The following SMURF1 variants were observed in gnomAD, a reference collection of about 807,000 sequenced individuals.
SMURF1 encodes SMAD specific E3 ubiquitin protein ligase 1.
A neutral mutation model predicts 98.0 loss-of-function variants in SMURF1; 44 were observed. The ratio of observed to expected loss-of-function variants is 0.45; its 90% confidence interval spans 0.35 to 0.58. The LOEUF is 0.58. SMURF1 is among the 20% of genes least tolerant of loss of function. SMURF1 has a pLI of 0.00. For synonymous variants in SMURF1, 396 were observed against 374.9 expected, an observed-to-expected ratio of 1.06 and a Z score of -0.65; for missense variants, 687 against 938.4, an observed-to-expected ratio of 0.73 and a Z score of 3.50.
chr7:99,143,162 C>A (rs1202263043), intron 1 of SMURF1, among the ~76,000 whole-genome samples: 2 of 41,030 alleles, frequency 4.9e-5, no homozygotes, highest in Non-Finnish European at 8.9e-5. Flanking sequence ...CAGAGAGGAG[C>A]GAGGGGGTGG....
In SMURF1 at chr7:99,073,148, C is replaced by T. The variant is rs575218445; in HGVS notation, c.56-11311G>A. On this transcript the variant is annotated intron_variant, in intron 1 of 17. Transcript: ENST00000361368. Reference sequence around the variant, plus strand: ...ATCCCAGCAGTCTGGGAGGCCGAGGCGGGTGGATCACAAGGTCAGGAGCTC... The same window carrying T: ...ATCCCAGCAGTCTGGGAGGCCGAGGTGGGTGGATCACAAGGTCAGGAGCTC... 8.5e-5 allele frequency among the ~76,000 whole-genome samples: 13 copies of T among 152,060 alleles called. No homozygotes were observed. In the East Asian group the frequency reaches 1.4e-3, roughly 16 times the overall value.
At chr7:99,086,522 C>T (rs1352557786) in intron 1 of SMURF1, among the ~76,000 whole-genome samples, 2 of 151,974 alleles carry the variant, frequency 1.3e-5, no homozygotes, top group African/African-American at 2.4e-5. Flanking sequence ...AAATGTTGAA[C>T]GTGGAGTTAC....
chr7:99,091,232 C>T (rs1796803670), intron 1 of SMURF1, among the ~76,000 whole-genome samples: 1 of 152,188 alleles, frequency 6.6e-6, no homozygotes, highest in African/African-American at 2.4e-5. Context: ...ACTACCCTTA[C>T]TTTTGACTAC....
At chr7:99,142,470 G>A (rs528468668) in intron 1 of SMURF1, among the ~76,000 whole-genome samples, 19 of 151,434 alleles carry the variant, frequency 1.3e-4, no homozygotes, top group South Asian at 6.3e-4. Context: ...GAAGTGAAGA[G>A]AGCAGGACTG....
At chr7:99,104,843 G>A (rs918731947) in intron 1 of SMURF1, among the ~76,000 whole-genome samples, 7 of 152,178 alleles carry the variant, frequency 4.6e-5, no homozygotes, top group Non-Finnish European at 1.0e-4. Flanking sequence ...GGGGCTTCAC[G>A]CAGACCAGGC....
chr7:99,134,353 C>T (rs921827526), intron 1 of SMURF1, among the ~76,000 whole-genome samples: 8 of 152,222 alleles, frequency 5.3e-5, no homozygotes, highest in Admixed American at 4.6e-4. Flanking sequence ...AGTGAGGAAC[C>T]ACGCGAGAAC....
At chr7:99,106,788 CT>C (rs897079161) in intron 1 of SMURF1, among the ~76,000 whole-genome samples, 1 of 152,148 alleles carries the variant, frequency 6.6e-6, no homozygotes, top group Non-Finnish European at 1.5e-5. Context: ...TCTCCGACCT[CT>C]TTTTTTCCCC....
chr7:99,138,012 A>G (rs1412068537), intron 1 of SMURF1, among the ~76,000 whole-genome samples: 1 of 152,218 alleles, frequency 6.6e-6, no homozygotes, highest in Non-Finnish European at 1.5e-5. Flanking sequence ...AGTCAGAATG[A>G]GTTCCCTGGA....
rs894217729 is a variant in SMURF1 at position 99,087,206 on chromosome 7, CA to C, written c.56-25370del. On this transcript the variant is annotated intron_variant, in intron 1 of 17. Coordinates refer to ENST00000361368, the MANE Select transcript of SMURF1 (RefSeq NM_181349.3). Reference sequence around the variant, plus strand: ...GCAACATAGCAAGACCCCATCTCTACAAAAAAAAAAAATTTTAATTTTAAAA... The same window carrying C: ...GCAACATAGCAAGACCCCATCTCTACAAAAAAAAAAATTTTAATTTTAAAA... Among the ~76,000 whole-genome samples, 1,314 of 148,116 alleles carry C rather than the reference CA, an allele frequency of 8.9e-3. 16 individuals are homozygous for C. Among genetic ancestry groups the C allele is most frequent in the African/African-American group, 0.029 (1,146 of 40,184 alleles).
chr7:99,062,097 C>CTTT (rs1013163853), intron 1 of SMURF1, among the ~76,000 whole-genome samples: 2 of 145,224 alleles, frequency 1.4e-5, no homozygotes, highest in Non-Finnish European at 3.0e-5. Flanking sequence ...GATCAATATA[C>CTTT]TTTTTTTTTT....
At chr7:99,055,468 CA>C (rs1212136483) in intron 5 of SMURF1, among the ~76,000 whole-genome samples, 1 of 148,992 alleles carries the variant, frequency 6.7e-6, no homozygotes, top group African/African-American at 2.5e-5. Context: ...ACTCTGTCTC[CA>C]AAAAAAATTA....
At chr7:99,096,801 C>T (rs1486130654) in intron 1 of SMURF1, among the ~76,000 whole-genome samples, 3 of 152,142 alleles carry the variant, frequency 2.0e-5, no homozygotes, top group East Asian at 1.9e-4. Flanking sequence ...CATTAACTAA[C>T]GGGATCAAAC....
chr7:99,123,331 G>A (rs560905188), intron 1 of SMURF1, among the ~76,000 whole-genome samples: 114 of 152,168 alleles, frequency 7.5e-4, no homozygotes, highest in African/African-American at 2.6e-3. Context: ...CCAGGAGTTC[G>A]AGACCAGCCT....
intron 1 of SMURF1, among the ~76,000 whole-genome samples, chr7:99,078,596 C>T (rs891517841): frequency 2.0e-5 from 3 of 152,174 alleles, no homozygotes; most frequent in Non-Finnish European, 4.4e-5. Context: ...TGTTTACAGC[C>T]GCTCCTGATC....
chr7:99,141,451 T>C (rs746587485), intron 1 of SMURF1, among the ~76,000 whole-genome samples: 7 of 152,212 alleles, frequency 4.6e-5, no homozygotes, highest in Non-Finnish European at 8.8e-5. Flanking sequence ...AGTTAAAAGC[T>C]TTACAAGTAT....
intron 1 of SMURF1, among the ~76,000 whole-genome samples, chr7:99,091,897 T>C (rs1380794551): frequency 2.0e-5 from 3 of 152,180 alleles, no homozygotes; most frequent in Non-Finnish European, 4.4e-5. Context: ...CTTCATCATC[T>C]GGGACCTGAA....
chr7:99,120,345 A>G (rs576025752), intron 1 of SMURF1, among the ~76,000 whole-genome samples: 55 of 152,322 alleles, frequency 3.6e-4, no homozygotes, highest in African/African-American at 1.3e-3. Flanking sequence ...CAAAGTCTCC[A>G]GGTACACTTA....
intron 1 of SMURF1, among the ~76,000 whole-genome samples, chr7:99,077,004 A>C (rs12705020): frequency 6.6e-6 from 1 of 151,732 alleles, no homozygotes; most frequent in Admixed American, 6.6e-5. Context: ...AAAAAAAAAA[A>C]CAAAAAAGGT....
intron 1 of SMURF1, among the ~76,000 whole-genome samples, chr7:99,110,523 A>G (rs1797294770): frequency 6.6e-6 from 1 of 152,240 alleles, no homozygotes. Context: ...AGAGAGATGC[A>G]GATTAAACCT....
Sources: gnomAD v4.1 joint callset for allele counts (sites outside exome capture counted in the v4.1 genomes callset) on GRCh38, gnomAD v4.1.1 for gene constraint, MANE v1.5 for transcripts, NCBI Gene and HGNC (gene_info 2026-07-23, HGNC 2026-07-21) for gene names.